The following THSD4 variants were observed in gnomAD, a reference collection of about 807,000 sequenced individuals.
THSD4 encodes thrombospondin type 1 domain containing 4.
In THSD4, 69 loss-of-function variants were observed where a neutral mutation model predicts 119.0. That is an observed-to-expected ratio of 0.58 (90% CI 0.48 to 0.71). THSD4 has a LOEUF of 0.71. Ranked by LOEUF, THSD4 falls within the 30% of genes least tolerant of loss-of-function variation. THSD4 has a pLI of 0.00. For synonymous variants in THSD4, 524 were observed against 540.4 expected, an observed-to-expected ratio of 0.97 and a Z score of 0.42; for missense variants, 1,393 against 1,391.1, an observed-to-expected ratio of 1.00 and a Z score of -0.02.
intron 6 of THSD4, among the ~76,000 whole-genome samples, chr15:71,312,090 C>T (rs974782526): frequency 2.6e-5 from 4 of 152,222 alleles, no homozygotes; most frequent in Non-Finnish European, 5.9e-5. Context: ...TCCCTGCCCT[C>T]TGTTCTGGAC....
intron 7 of THSD4, among the ~76,000 whole-genome samples, chr15:71,542,600 G>A (rs1025956509): frequency 3.9e-5 from 6 of 152,096 alleles, no homozygotes; most frequent in East Asian, 3.9e-4. Context: ...AAATTGGGCC[G>A]GGCACAGTGT....
intron 4 of THSD4, among the ~76,000 whole-genome samples, chr15:71,238,591 A>G (rs1050452352): frequency 8.5e-5 from 13 of 152,310 alleles, no homozygotes; most frequent in African/African-American, 3.1e-4. Flanking sequence ...TTCACTTAGA[A>G]TATTTTGTAG....
chr15:71,635,701 T>A (rs967776417), intron 7 of THSD4, among the ~76,000 whole-genome samples: 2 of 152,288 alleles, frequency 1.3e-5, no homozygotes, highest in South Asian at 4.2e-4. Flanking sequence ...ACTAATTTTC[T>A]CCCAGCTGCA....
chr15:71,215,250 G>GTCGGCGGTGCGC lies in THSD4; in HGVS notation c.316_327dup (p.Ser106_Arg109dup). The stretch of plus-strand genomic sequence containing the variant: ...CGCGCGCCTTCGCGGACCACGTGGT[G>GTCGGCGGTGCGC]TCGGCGGTGCGCACGTCGGTGCCAC... On this transcript the variant is annotated inframe_insertion, in exon 4 of 18. Coordinates refer to ENST00000261862, the MANE Select transcript of THSD4 (RefSeq NM_024817.3). 3 of 1,481,584 alleles carry GTCGGCGGTGCGC rather than the reference G, an allele frequency of 2.0e-6. No homozygotes were observed. The highest frequency in any genetic ancestry group is 2.4e-4 in the Middle Eastern group (1 of 4,248). The allele number at this position is 1,481,584 out of a possible 1,614,324, so 91.8% of individuals were successfully genotyped here. A position where few individuals can be genotyped will look rare whatever the true frequency, so the allele number is the denominator to read the frequency against.
chr15:71,480,591 C>T (rs938761743), intron 7 of THSD4, among the ~76,000 whole-genome samples: 6 of 152,176 alleles, frequency 3.9e-5, no homozygotes, highest in Non-Finnish European at 8.8e-5. Flanking sequence ...GGTATTGGTA[C>T]ATAATGAGGT....
intron 6 of THSD4, among the ~76,000 whole-genome samples, chr15:71,352,298 T>C (rs913293950): frequency 6.6e-6 from 1 of 152,156 alleles, no homozygotes; most frequent in Non-Finnish European, 1.5e-5. Context: ...TGATGATGGA[T>C]CCACAAAGCA....
chr15:71,320,600 C>T (rs142635040), intron 6 of THSD4, among the ~76,000 whole-genome samples: 94 of 152,254 alleles, frequency 6.2e-4, no homozygotes, highest in African/African-American at 2.2e-3. Flanking sequence ...AAAAAAGATC[C>T]AAGTAGCCCA....
At chr15:71,396,559 G>C (rs1231300915) in intron 6 of THSD4, among the ~76,000 whole-genome samples, 2 of 152,104 alleles carry the variant, frequency 1.3e-5, no homozygotes, top group African/African-American at 2.4e-5. Flanking sequence ...ACATCATCTT[G>C]CTGGAGGATA....
At chr15:71,134,352 G>A (rs2040530272) in intron 1 of THSD4, among the ~76,000 whole-genome samples, 1 of 152,232 alleles carries the variant, frequency 6.6e-6, no homozygotes, top group African/African-American at 2.4e-5. Context: ...ACCGCCACCA[G>A]AGAGCTCAGG....
intron 7 of THSD4, among the ~76,000 whole-genome samples, chr15:71,480,791 G>C (rs1056035045): frequency 2.0e-5 from 3 of 152,190 alleles, no homozygotes; most frequent in African/African-American, 7.2e-5. Flanking sequence ...CTAAAGTCAG[G>C]GGGCAGGGAG....
At chr15:71,745,035 G>C (rs1431127089) in intron 11 of THSD4, 71 bp from the exon 12 acceptor site, 9 of 1,546,886 alleles carry the variant, frequency 5.8e-6, no homozygotes, top group Non-Finnish European at 8.7e-7. Context: ...CCGAATCTCT[G>C]TGCATCTCCA....
At chr15:71,198,271 G>GA (rs200464744) in intron 3 of THSD4, among the ~76,000 whole-genome samples, 3,458 of 151,890 alleles carry the variant, frequency 0.023, 49 homozygotes, top group Non-Finnish European at 0.037. Context: ...TGTCTTTAGA[G>GA]AAAAAAAGGG....
intron 8 of THSD4, among the ~76,000 whole-genome samples, chr15:71,685,001 T>C (rs1321192207): frequency 6.6e-6 from 1 of 152,126 alleles, no homozygotes; most frequent in Non-Finnish European, 1.5e-5. Flanking sequence ...ATTTCAAATG[T>C]AGTATAGAAT....
At chr15:71,612,719 AG>A (rs1273519998) in intron 7 of THSD4, among the ~76,000 whole-genome samples, 1 of 152,184 alleles carries the variant, frequency 6.6e-6, no homozygotes. Context: ...AGTCAGAAAG[AG>A]GCCCCAGCTG....
intron 7 of THSD4, among the ~76,000 whole-genome samples, chr15:71,609,667 A>G (rs1484487217): frequency 5.9e-5 from 9 of 152,114 alleles, no homozygotes; most frequent in Admixed American, 5.9e-4. Context: ...CCTGGCTAAC[A>G]TGGTGAAACC....
chr15:71,472,839 A>G (rs1173017504), intron 7 of THSD4, among the ~76,000 whole-genome samples: 1 of 152,144 alleles, frequency 6.6e-6, no homozygotes, highest in Non-Finnish European at 1.5e-5. Context: ...AAATTTAGAA[A>G]AACTCCCATG....
At chr15:71,520,652 G>A (rs1307992987) in intron 7 of THSD4, among the ~76,000 whole-genome samples, 1 of 152,152 alleles carries the variant, frequency 6.6e-6, no homozygotes, top group Non-Finnish European at 1.5e-5. Context: ...CAATGTGTCA[G>A]GTTCTATGCT....
chr15:71,385,412 A>G (rs1370699542), intron 6 of THSD4, among the ~76,000 whole-genome samples: 1 of 152,228 alleles, frequency 6.6e-6, no homozygotes, highest in Non-Finnish European at 1.5e-5. Context: ...TAAGAGTTTA[A>G]TAGAGCAAAG....
intron 7 of THSD4, among the ~76,000 whole-genome samples, chr15:71,466,530 G>T (rs2047502739): frequency 6.6e-6 from 1 of 152,078 alleles, no homozygotes; most frequent in African/African-American, 2.4e-5. Flanking sequence ...GAACCCTCAG[G>T]AGCCTTCCTT....
Sources: allele counts gnomAD v4.1 joint callset (sites outside exome capture counted in the v4.1 genomes callset), GRCh38; gene constraint gnomAD v4.1.1; transcripts MANE v1.5; gene names NCBI Gene and HGNC (gene_info 2026-07-23, HGNC 2026-07-21).